The following VAV2 variants were observed in gnomAD, a reference collection of about 807,000 sequenced individuals.
The protein encoded by VAV2 is guanine nucleotide exchange factor VAV2.
Under a neutral mutation model 132.5 loss-of-function variants are expected in VAV2, and 67 were observed. The ratio of observed to expected loss-of-function variants is 0.51; its 90% CI spans 0.42 to 0.62. The LOEUF is 0.62. Ranked by LOEUF, VAV2 falls within the 20% of genes least tolerant of loss-of-function variation. The pLI is 0.00. For synonymous variants in VAV2, 492 were observed against 443.5 expected (o/e 1.11, Z -1.37); for missense variants, 938 against 1,153.6 (o/e 0.81, Z 2.71).
In VAV2 at chr9:133,919,728, T is replaced by C. The variant is rs1353586208; in HGVS notation, c.321+19375A>G. Reference sequence around the variant, plus strand: ...CGCAGAGAGTGGGGCCAGATGGACGTGGCCAGTCTCAGGGGAGCAACACAA... The same window carrying C: ...CGCAGAGAGTGGGGCCAGATGGACGCGGCCAGTCTCAGGGGAGCAACACAA... On this transcript the variant is annotated intron_variant, in intron 2 of 29. Transcript: ENST00000371850. The surrounding 1 kb of genome is among the most constrained non-coding windows in gnomAD (Gnocchi z 5.8). Among the ~76,000 whole-genome samples, 2 of 152,118 alleles carry C rather than the reference T, an allele frequency of 1.3e-5. No individual in the cohort carries two copies. The highest frequency in any genetic ancestry group is 1.5e-5 in the Non-Finnish European group (1 of 68,024).
chr9:133,814,488 G>A (rs531030503), intron 4 of VAV2, among the ~76,000 whole-genome samples: 5 of 152,382 alleles, frequency 3.3e-5, no homozygotes, highest in Non-Finnish European at 7.3e-5. Flanking sequence ...GCTGCTGAAC[G>A]AGACAACTCG....
chr9:133,807,415 T>G, intron 7 of VAV2, 89 bp from the exon 8 acceptor site: 2 of 1,371,502 alleles, frequency 1.5e-6, no homozygotes, highest in Non-Finnish European at 2.0e-6. Flanking sequence ...CCAGGGCAGC[T>G]CCGAGGCAGG....
At chr9:133,792,940 G>A (rs1042429967) in intron 12 of VAV2, among the ~76,000 whole-genome samples, 4 of 152,102 alleles carry the variant, frequency 2.6e-5, no homozygotes, top group African/African-American at 9.7e-5. Context: ...CATCCTAATA[G>A]AGGGAAGCAG....
In VAV2 at chr9:133,954,100, C is replaced by T. The variant is rs142946339; in HGVS notation, c.205-14881G>A. 2.3e-3 allele frequency among the ~76,000 whole-genome samples: 351 copies of T among 152,328 alleles called. 1 individual carries two copies. The highest frequency in any genetic ancestry group is 3.2e-3 in the Non-Finnish European group (219 of 68,040). On this transcript the variant is annotated intron_variant, in intron 1 of 29. Coordinates refer to ENST00000371850, the MANE Select transcript of VAV2 (RefSeq NM_001134398.2). The stretch of plus-strand genomic sequence containing the variant: ...AACGTGCAACAAACACGGCCGAAAC[C>T]GTCACCGAAAGCACTGCGCCTGTCT...
intron 3 of VAV2, among the ~76,000 whole-genome samples, chr9:133,849,156 C>A (rs1837070210): frequency 6.6e-6 from 1 of 152,052 alleles, no homozygotes; most frequent in Non-Finnish European, 1.5e-5. Context: ...TTGGAAAGGG[C>A]TTCACCTCAT....
intron 3 of VAV2, among the ~76,000 whole-genome samples, chr9:133,839,457 T>G (rs527634337): frequency 2.9e-4 from 44 of 151,744 alleles, no homozygotes; most frequent in African/African-American, 1.0e-3. Context: ...GGAAGTTTTT[T>G]TTTTTTTTTT....
intron 2 of VAV2, 52 bp from the exon 3 acceptor site, chr9:133,861,484 G>C (rs750975090): frequency 6.3e-7 from 1 of 1,599,864 alleles, no homozygotes; most frequent in Non-Finnish European, 8.5e-7. Context: ...AACCAGAAAG[G>C]CATCACAGAA....
intron 2 of VAV2, among the ~76,000 whole-genome samples, chr9:133,934,905 GCTC>G (rs1840849301): frequency 6.6e-6 from 1 of 152,206 alleles, no homozygotes; most frequent in South Asian, 2.1e-4. Context: ...AGTCGGTCAG[GCTC>G]CTTTCAGCCC....
intron 1 of VAV2, among the ~76,000 whole-genome samples, chr9:133,959,162 G>A (rs1277554022): frequency 1.3e-5 from 2 of 152,182 alleles, no homozygotes; most frequent in South Asian, 4.1e-4. Flanking sequence ...ATAGGCACTA[G>A]AGATGGTCCC....
intron 29 of VAV2, among the ~76,000 whole-genome samples, chr9:133,764,788 T>C (rs1833381486): frequency 6.6e-6 from 1 of 152,162 alleles, no homozygotes; most frequent in South Asian, 2.1e-4. Context: ...CTAACATCCT[T>C]GTGAATGAAG....
At chr9:133,953,115 A>G (rs1300135851) in intron 1 of VAV2, among the ~76,000 whole-genome samples, 7 of 151,948 alleles carry the variant, frequency 4.6e-5, no homozygotes, top group African/African-American at 1.7e-4. Context: ...GCCAACATCT[A>G]GAACCTCCAG....
chr9:133,849,329 G>A (rs968358381), intron 3 of VAV2, among the ~76,000 whole-genome samples: 1 of 152,174 alleles, frequency 6.6e-6, no homozygotes, highest in Admixed American at 6.5e-5. Context: ...CCCACCAGCT[G>A]CGGGCCTCCT....
chr9:133,861,482 A>G (rs762331851), intron 2 of VAV2, 50 bp from the exon 3 acceptor site: 3 of 1,601,630 alleles, frequency 1.9e-6, no homozygotes, highest in Admixed American at 3.4e-5. Flanking sequence ...GAAACCAGAA[A>G]GGCATCACAG....
intron 29 of VAV2, 25 bp from the exon 30 acceptor site, chr9:133,764,134 C>CTGTG (rs34181788): frequency 1.8e-5 from 28 of 1,555,224 alleles, no homozygotes; most frequent in Admixed American, 8.5e-5. Context: ...AAGATCGTGT[C>CTGTG]TGTGTGTGTG....
chr9:133,808,728 C>G (rs892287145), intron 7 of VAV2, among the ~76,000 whole-genome samples: 1 of 152,178 alleles, frequency 6.6e-6, no homozygotes. Context: ...GGGGAATACG[C>G]GAGGAGCTAG....
chr9:133,876,424 A>C (rs10993838), intron 2 of VAV2, among the ~76,000 whole-genome samples: 2,500 of 152,332 alleles, frequency 0.016, 58 homozygotes, highest in Admixed American at 0.057. Context: ...TCCCCTAAGG[A>C]AGGCAGGCCC....
At position 133,928,614 on chromosome 9, in the gene VAV2, C is replaced by CAA. The variant is rs1490095709; in HGVS notation, c.321+10487_321+10488dup. ...CTTCTGCACTCAGCAAATTAATGAACAAATACGAAGAGGAAATGAACAAAC... is the reference window on the plus strand; with the variant it reads ...CTTCTGCACTCAGCAAATTAATGAACAAAAATACGAAGAGGAAATGAACAAAC... On this transcript the variant is annotated intron_variant, in intron 2 of 29. Coordinates refer to ENST00000371850, the MANE Select transcript of VAV2 (RefSeq NM_001134398.2). This position sits in a 1 kb window ranked among gnomAD's most constrained non-coding sequence, Gnocchi z 5.4. 6.6e-6 allele frequency among the ~76,000 whole-genome samples: 1 copy of CAA among 152,134 alleles called. No homozygotes were observed. The highest frequency in any genetic ancestry group is 1.9e-4 in the East Asian group (1 of 5,188).
chr9:133,980,582 C>T (rs1842661878), intron 1 of VAV2, among the ~76,000 whole-genome samples: 1 of 152,216 alleles, frequency 6.6e-6, no homozygotes, highest in African/African-American at 2.4e-5. Flanking sequence ...TCTCTGGAAC[C>T]TTCTATCACG....
chr9:133,769,379 C>T lies in VAV2; in HGVS notation c.2434+38G>A, dbSNP rs1329151043. The T allele has an allele frequency of 1.9e-6, 3 of 1,579,650 alleles. No individual in the cohort carries two copies. Among genetic ancestry groups the T allele is most frequent in the Non-Finnish European group, 2.6e-6 (3 of 1,163,040 alleles). ...GCTGGGTCTCCCAAGGCAGCTGCCA[C>T]AGGCCCGGTCCCCCCACGCCCTGGG... On this transcript the variant is annotated intron_variant, in intron 28 of 29. Transcript: ENST00000371850. This position sits in a 1 kb window ranked among gnomAD's most constrained non-coding sequence, Gnocchi z 8.1.
Sources: allele counts gnomAD v4.1 joint callset (sites outside exome capture counted in the v4.1 genomes callset), GRCh38; gene constraint gnomAD v4.1.1; non-coding constraint Gnocchi (gnomAD v3.1); transcripts MANE v1.5; gene names NCBI Gene and HGNC (gene_info 2026-07-23, HGNC 2026-07-21).